ALG12: variants seen among roughly 807,000 people sequenced by gnomAD.
The protein encoded by ALG12 is dol-P-Man:Man(7)GlcNAc(2)-PP-Dol alpha-1,6-mannosyltransferase.
In ALG12, 36 loss-of-function variants were observed where a neutral mutation model predicts 46.0. The ratio of observed to expected loss-of-function variants is 0.78; its 90% CI spans 0.60 to 1.03. ALG12 has a LOEUF of 1.03. ALG12 is among the 50% of genes least tolerant of loss of function. The pLI is 0.00. For missense variants in ALG12, 599 were observed against 633.5 expected, an observed-to-expected ratio of 0.95 and a Z score of 0.58; for synonymous variants, 326 against 291.6, an observed-to-expected ratio of 1.12 and a Z score of -1.20.
the ALG12 span, among the ~76,000 whole-genome samples, chr22:49,864,684 G>T: frequency 5.3e-5 from 8 of 152,040 alleles, no homozygotes; most frequent in African/African-American, 1.9e-4. Context: ...AGCCAGGTGT[G>T]GTGACACTCA....
rs2060525951 is a variant in ALG12 at position 49,903,574 on chromosome 22, G to A, written c.*264C>T. 3 of 655,974 alleles carry A rather than the reference G, an allele frequency of 4.6e-6. No homozygotes were observed. Among genetic ancestry groups the A allele is most frequent in the Non-Finnish European group, 5.6e-6 (2 of 355,202 alleles). The allele number at this position is 655,974 out of a possible 1,614,324, so 40.6% of individuals were successfully genotyped here. A position where few individuals can be genotyped will look rare whatever the true frequency, so the allele number is the denominator to read the frequency against. On this transcript the variant is annotated 3_prime_UTR_variant, in exon 10 of 10. Transcript: ENST00000330817. The stretch of plus-strand genomic sequence containing the variant: ...TGGTCTGGGCGACAGTCACCCGCAG[G>A]AAGCCCTGAGCTGGCCACCATCACC...
the ALG12 span, among the ~76,000 whole-genome samples, chr22:49,882,141 T>C: frequency 6.6e-6 from 1 of 152,240 alleles, no homozygotes; most frequent in African/African-American, 2.4e-5. Flanking sequence ...AGCTCCTCCC[T>C]GTGGGGGTGA....
the ALG12 span, among the ~76,000 whole-genome samples, chr22:49,861,866 G>A: frequency 6.6e-6 from 1 of 152,198 alleles, no homozygotes; most frequent in Non-Finnish European, 1.5e-5. Context: ...TGTTTCTGGT[G>A]AGGACTGTCT....
chr22:49,862,040 G>T, the ALG12 span, among the ~76,000 whole-genome samples: 1 of 152,212 alleles, frequency 6.6e-6, no homozygotes, highest in Non-Finnish European at 1.5e-5. Context: ...CAGGATGGTA[G>T]GGTGAGAAGG....
At chr22:49,896,842 TG>T (rs200983234), downstream of ALG12, among the ~76,000 whole-genome samples, 2,529 of 151,924 alleles carry the variant, frequency 0.017, 33 homozygotes, top group South Asian at 0.067. Context: ...GGTTTCGCCA[TG>T]TTTGCCAGGC....
At chr22:49,904,302 C>T (rs759433485) in intron 8 of ALG12, 35 bp downstream of exon 8, 1 of 1,614,172 alleles carries the variant, frequency 6.2e-7, no homozygotes, top group South Asian at 1.1e-5. Context: ...CAGTCGGAGC[C>T]ACAGCAGTCC....
At chr22:49,879,221 T>C in the ALG12 span, among the ~76,000 whole-genome samples, 3 of 147,484 alleles carry the variant, frequency 2.0e-5, no homozygotes, top group Non-Finnish European at 3.0e-5. Context: ...GCCTCCCGGG[T>C]TCAAGCGATT....
chr22:49,885,768 G>A, the ALG12 span: 13 of 1,605,944 alleles, frequency 8.1e-6, no homozygotes, highest in African/African-American at 2.7e-5. Context: ...ACTTCTCCAG[G>A]ACAGCTATCC....
intron 4 of ALG12, 118 bp from the exon 5 acceptor site, chr22:49,910,206 G>T: frequency 7.7e-7 from 1 of 1,292,308 alleles, no homozygotes; most frequent in Non-Finnish European, 1.1e-6. Context: ...AAATATCCCA[G>T]AAAAGAAACT....
the ALG12 span, among the ~76,000 whole-genome samples, chr22:49,891,586 T>C: frequency 6.6e-6 from 1 of 152,204 alleles, no homozygotes; most frequent in Admixed American, 6.5e-5. Flanking sequence ...CATACACTTT[T>C]TGTAAAGCAT....
At chr22:49,885,087 C>T in the ALG12 span, 48 of 1,613,100 alleles carry the variant, frequency 3.0e-5, no homozygotes, top group Non-Finnish European at 3.6e-5. Context: ...GCCTCAAGGC[C>T]GAGTGTCGGT....
At chr22:49,885,218 G>T in the ALG12 span, 1 of 1,613,592 alleles carries the variant, frequency 6.2e-7, no homozygotes, top group Non-Finnish European at 8.5e-7. Context: ...CTGGGTGCAA[G>T]TCTGGCAAAC....
chr22:49,885,176 A>G, the ALG12 span: 1 of 1,613,802 alleles, frequency 6.2e-7, no homozygotes, highest in South Asian at 1.1e-5. Flanking sequence ...TACCGGCGCC[A>G]TCCAGAAGTT....
chr22:49,893,409 C>T, the ALG12 span, among the ~76,000 whole-genome samples: 1 of 152,146 alleles, frequency 6.6e-6, no homozygotes, highest in Non-Finnish European at 1.5e-5. Context: ...CAACCTTAAG[C>T]AGAGGGAGGG....
chr22:49,902,916 TGTGTGCAC>T lies in ALG12; in HGVS notation c.*914_*921del, dbSNP rs765343265. On this transcript the variant is annotated 3_prime_UTR_variant, in exon 10 of 10. Coordinates refer to ENST00000330817, the MANE Select transcript of ALG12 (RefSeq NM_024105.4). ...CACTGTGTGTGGTGTGTATGCATGG[TGTGTGCAC>T]GTGTGCACGGTGTGTGGTGTGTATG... is the stretch of plus-strand genomic sequence containing the variant. 1.2e-3 allele frequency: 261 copies of T among 211,308 alleles called. No homozygotes were observed. The highest frequency in any genetic ancestry group is 1.6e-3 in the Non-Finnish European group (175 of 109,646). The allele number at this position is 211,308 out of a possible 1,614,324, so 13.1% of individuals were successfully genotyped here.
intron 6 of ALG12, 131 bp from the exon 7 acceptor site, chr22:49,908,075 GCA>G: frequency 1.1e-6 from 1 of 895,544 alleles, no homozygotes; most frequent in Non-Finnish European, 1.7e-6. Context: ...CGGCTCGTGT[GCA>G]CAGACACCAC....
chr22:49,864,820 C>CAAAAA, the ALG12 span, among the ~76,000 whole-genome samples: 318 of 66,714 alleles, frequency 4.8e-3, 13 homozygotes, highest in African/African-American at 0.022. Flanking sequence ...ACCCTGTCTC[C>CAAAAA]AAAAAAAAAA....
chr22:49,911,035 G>T (rs1333496232), intron 3 of ALG12, among the ~76,000 whole-genome samples: 4 of 152,206 alleles, frequency 2.6e-5, no homozygotes, highest in Non-Finnish European at 5.9e-5. Context: ...AGGCAGGAAG[G>T]GGGTCAGGAC....
Position 49,910,526 on chromosome 22 carries a change from A to G in ALG12, c.377T>C (p.Val126Ala), listed in dbSNP as rs556496917. 1 of 1,614,096 alleles carries G rather than the reference A, an allele frequency of 6.2e-7. No individual in the cohort carries two copies. The highest frequency in any genetic ancestry group is 1.3e-5 in the African/African-American group (1 of 75,066). ...KEVRRHFGAM[V>A]ATMFCWVTAM... ...CGTCACCCAGCAGAACATGGTGGCC[A>G]CCATGGCCCCGAAGTGCCGTCTCAC... The change falls in exon 4 of 10, where the codon GTG becomes GCG. Residue 126 changes from valine to alanine, a missense_variant. Physicochemically the swap from Val to Ala is moderately conservative, Grantham distance 64 (BLOSUM62 0). Transcript: ENST00000330817.
Sources: gnomAD v4.1 joint callset for allele counts (sites outside exome capture counted in the v4.1 genomes callset) on GRCh38, gnomAD v4.1.1 for gene constraint, MANE v1.5 for transcripts, NCBI Gene and HGNC (gene_info 2026-07-23, HGNC 2026-07-21) for gene names.